ESS2: variants seen among roughly 807,000 people sequenced by gnomAD.
ESS2 encodes the protein splicing factor ESS-2 homolog.
In ESS2, 31 loss-of-function variants were observed where a neutral mutation model predicts 52.0. The observed-to-expected ratio is 0.60, with a 90% CI of 0.45 to 0.81. The LOEUF (loss-of-function observed/expected upper bound fraction) is 0.81, where lower values mean the gene tolerates loss of function less well. ESS2 is among the 30% of genes least tolerant of loss of function. The pLI is 0.00. For synonymous variants in ESS2, 285 were observed against 259.2 expected (o/e 1.10, Z -0.95); for missense variants, 602 against 637.2 (o/e 0.94, Z 0.59).
In ESS2 at chr22:19,131,832, G is replaced by A. The variant is rs1300424021; in HGVS notation, c.*2364C>T. 4.3e-6 allele frequency: 7 copies of A among 1,614,050 alleles called. No homozygotes were observed. Among genetic ancestry groups the A allele is most frequent in the South Asian group, 1.1e-5 (1 of 91,062 alleles). ...CCTCAAGTGCGAGAACCTTCTCCTCGACAAGGACTTCAACATCAAGCTGTC... is the reference window on the plus strand; with the variant it reads ...CCTCAAGTGCGAGAACCTTCTCCTCAACAAGGACTTCAACATCAAGCTGTC... On this transcript the variant is annotated 3_prime_UTR_variant, in exon 10 of 10. Coordinates refer to ENST00000252137, the MANE Select transcript of ESS2 (RefSeq NM_022719.3). The surrounding 1 kb of genome is among the most constrained non-coding windows in gnomAD (Gnocchi z 5.7).
Position 19,131,098 on chromosome 22 carries a change from C to G in ESS2, c.*3098G>C, listed in dbSNP as rs2083501426. 1 of 355,044 alleles carries G rather than the reference C, an allele frequency of 2.8e-6. No homozygotes were observed. Among genetic ancestry groups the G allele is most frequent in the East Asian group, 5.3e-5 (1 of 18,788 alleles). 22.0% of individuals were successfully genotyped at this position (355,044 alleles called of 1,614,324 possible). On this transcript the variant is annotated 3_prime_UTR_variant, in exon 10 of 10. Coordinates refer to ENST00000252137, the MANE Select transcript of ESS2 (RefSeq NM_022719.3). This position sits in a 1 kb window ranked among gnomAD's most constrained non-coding sequence, Gnocchi z 5.7. ...CAGCAGCAGCAGGGCCACCAGAGTC[C>G]TGTCCTGGGGACAGGCTTCCTTCCA... is the stretch of plus-strand genomic sequence containing the variant.
At position 19,132,368 on chromosome 22, in the gene ESS2, G is replaced by A. The variant is rs748715816; in HGVS notation, c.*1828C>T. ...TTGGAGCCAAAACCCAGCACCGGCTGCTGGTGGTGCCCGAGAACGAGAACA... is the reference window on the plus strand; with the variant it reads ...TTGGAGCCAAAACCCAGCACCGGCTACTGGTGGTGCCCGAGAACGAGAACA... On this transcript the variant is annotated 3_prime_UTR_variant, in exon 10 of 10. Coordinates refer to ENST00000252137, the MANE Select transcript of ESS2 (RefSeq NM_022719.3). This position sits in a 1 kb window ranked among gnomAD's most constrained non-coding sequence, Gnocchi z 4.2. The A allele has an allele frequency of 1.2e-6, 2 of 1,613,202 alleles. No individual in the cohort carries two copies. The highest frequency in any genetic ancestry group is 1.7e-6 in the Non-Finnish European group (2 of 1,180,022).
At chr22:19,140,827 G>A (rs1335947457) in intron 3 of ESS2, among the ~76,000 whole-genome samples, 1 of 152,224 alleles carries the variant, frequency 6.6e-6, no homozygotes, top group Non-Finnish European at 1.5e-5. Flanking sequence ...ATTCATCTCA[G>A]AGAGATAAGA....
rs751020265 is a variant in ESS2 at position 19,144,620 on chromosome 22, T to G, written c.21A>C (p.Ser7=). METPGA[S]ASSLLLPAAS... is the part of the protein sequence containing the mutation. ...CGGCGGGAAGCAACAAGGACGACGC[T>G]GATGCGCCCGGCGTCTCCATCGCTA... The change falls in exon 1 of 10, where the codon TCA becomes TCC. Residue 7 remains serine (S), a synonymous_variant. Transcript: ENST00000252137. 2 of 1,546,540 alleles carry G rather than the reference T, an allele frequency of 1.3e-6. No homozygotes were observed. Among genetic ancestry groups the G allele is most frequent in the Non-Finnish European group, 1.7e-6 (2 of 1,143,696 alleles).
rs141616852 is a variant in ESS2, at chr22:19,132,265, G to C, written c.*1931C>G. 6.2e-4 allele frequency: 1,002 copies of C among 1,612,784 alleles called. 1 individual carries two copies. The highest frequency in any genetic ancestry group is 1.1e-3 in the Admixed American group (67 of 59,996). On this transcript the variant is annotated 3_prime_UTR_variant, in exon 10 of 10. Coordinates refer to ENST00000252137, the MANE Select transcript of ESS2 (RefSeq NM_022719.3). This position sits in a 1 kb window ranked among gnomAD's most constrained non-coding sequence, Gnocchi z 4.2. ...TCTTCTGCCTCCTTCAAGAGGGAGG[G>C]GGAGGGCAAGTACCGCGCTGAGTGC...
intron 7 of ESS2, chr22:19,137,655 G>C: frequency 3.5e-6 from 3 of 861,236 alleles, no homozygotes; most frequent in Non-Finnish European, 4.2e-6. Flanking sequence ...CTACAGCCAT[G>C]TGCTTAGCCT....
At chr22:19,137,028 C>T (rs1464929384) in intron 8 of ESS2, among the ~76,000 whole-genome samples, 3 of 152,122 alleles carry the variant, frequency 2.0e-5, no homozygotes, top group African/African-American at 7.2e-5. Flanking sequence ...GCCTGCAGAG[C>T]TCCTCACGTG....
chr22:19,131,511 G>A lies in ESS2; in HGVS notation c.*2685C>T, dbSNP rs372184606. The A allele has an allele frequency of 9.3e-6, 15 of 1,614,170 alleles. No individual in the cohort carries two copies. The highest frequency in any genetic ancestry group is 1.3e-5 in the Non-Finnish European group (15 of 1,180,026). On this transcript the variant is annotated 3_prime_UTR_variant, in exon 10 of 10. Coordinates refer to ENST00000252137, the MANE Select transcript of ESS2 (RefSeq NM_022719.3). The surrounding 1 kb of genome is among the most constrained non-coding windows in gnomAD (Gnocchi z 5.7). ...CTACTCTGAGCGCCTCAAGTTCAATGTGGCTGTCAAGATCATCGACCGCAA... is the reference window on the plus strand; with the variant it reads ...CTACTCTGAGCGCCTCAAGTTCAATATGGCTGTCAAGATCATCGACCGCAA...
chr22:19,131,891 C>G lies in ESS2; in HGVS notation c.*2305G>C. 3 of 1,614,112 alleles carry G rather than the reference C, an allele frequency of 1.9e-6. No individual in the cohort carries two copies. Among genetic ancestry groups the G allele is most frequent in the Non-Finnish European group, 2.5e-6 (3 of 1,179,992 alleles). ...GCTTCTCCAAGCGCTGCCTGCGGGA[C>G]AGCAATGGGCGCATCATCCTCAGCA... On this transcript the variant is annotated 3_prime_UTR_variant, in exon 10 of 10. Transcript: ENST00000252137. The surrounding 1 kb of genome is among the most constrained non-coding windows in gnomAD (Gnocchi z 5.7).
chr22:19,132,168 G>C lies in ESS2; in HGVS notation c.*2028C>G. On this transcript the variant is annotated 3_prime_UTR_variant, in exon 10 of 10. Transcript: ENST00000252137. This position sits in a 1 kb window ranked among gnomAD's most constrained non-coding sequence, Gnocchi z 4.2. Reference sequence around the variant, plus strand: ...CATCTACCGCATGCTGCAGCCCGACGTCAGCCAGCGGCTCCACATCGATGA... The same window carrying C: ...CATCTACCGCATGCTGCAGCCCGACCTCAGCCAGCGGCTCCACATCGATGA... 1 of 1,613,218 alleles carries C rather than the reference G, an allele frequency of 6.2e-7. No homozygotes were observed. The highest frequency in any genetic ancestry group is 8.5e-7 in the Non-Finnish European group (1 of 1,179,374).
chr22:19,132,524 A>G lies in ESS2; in HGVS notation c.*1672T>C, dbSNP rs1415564617. 6.5e-7 allele frequency: 1 copy of G among 1,543,462 alleles called. No individual in the cohort carries two copies. Among genetic ancestry groups the G allele is most frequent in the East Asian group, 2.3e-5 (1 of 44,158 alleles). On this transcript the variant is annotated 3_prime_UTR_variant, in exon 10 of 10. Coordinates refer to ENST00000252137, the MANE Select transcript of ESS2 (RefSeq NM_022719.3). This position sits in a 1 kb window ranked among gnomAD's most constrained non-coding sequence, Gnocchi z 4.2. ...GTGGTGGGGGTCGGGGTTGGGGGGC[A>G]TGGTGCAGTCGGCCTTCACGTAAAC...
chr22:19,141,898 G>T (rs1048480540), intron 3 of ESS2, among the ~76,000 whole-genome samples: 3 of 152,158 alleles, frequency 2.0e-5, no homozygotes, highest in Admixed American at 1.3e-4. Flanking sequence ...CTAAGGCAGG[G>T]AGAATTGCTT....
At position 19,134,463 on chromosome 22, in the gene ESS2, T is replaced by C; in HGVS notation, c.1164A>G (p.Lys388=). Residue 388 remains lysine (K), a synonymous_variant, in exon 10 of 10, where the codon AAA becomes AAG. Coordinates refer to ENST00000252137, the MANE Select transcript of ESS2 (RefSeq NM_022719.3). ...VTENLASLTP[K]GLSPAMSPAL... is the part of the protein sequence containing the mutation. ...CTGGCGACATGGCTGGGCTCAGGCC[T>C]TTGGGGGTGAGGCTGGGGTGGAGGA... is the stretch of plus-strand genomic sequence containing the variant. 2 of 1,562,656 alleles carry C rather than the reference T, an allele frequency of 1.3e-6. No homozygotes were observed. Among genetic ancestry groups the C allele is most frequent in the Non-Finnish European group, 8.7e-7 (1 of 1,150,784 alleles).
In ESS2 at chr22:19,132,037, C is replaced by T. The variant is rs1428850871; in HGVS notation, c.*2159G>A. On this transcript the variant is annotated 3_prime_UTR_variant, in exon 10 of 10. Coordinates refer to ENST00000252137, the MANE Select transcript of ESS2 (RefSeq NM_022719.3). This position sits in a 1 kb window ranked among gnomAD's most constrained non-coding sequence, Gnocchi z 4.2. Reference sequence around the variant, plus strand: ...ATCCTGTACATCATGGTCTGCGGCTCCATGCCCTATGACGACTCCGACATC... The same window carrying T: ...ATCCTGTACATCATGGTCTGCGGCTTCATGCCCTATGACGACTCCGACATC... 1.2e-6 allele frequency: 2 copies of T among 1,614,088 alleles called. No homozygotes were observed. The highest frequency in any genetic ancestry group is 1.7e-5 in the Admixed American group (1 of 60,024).
In ESS2 at chr22:19,133,923, G is replaced by C. The variant is rs1443382805; in HGVS notation, c.*273C>G. 2.8e-6 allele frequency: 1 copy of C among 354,994 alleles called. No homozygotes were observed. The highest frequency in any genetic ancestry group is 5.0e-6 in the Non-Finnish European group (1 of 199,906). 22.0% of individuals were successfully genotyped at this position (354,994 alleles called of 1,614,324 possible). A position where few individuals can be genotyped will look rare whatever the true frequency, so the allele number is the denominator to read the frequency against. The stretch of plus-strand genomic sequence containing the variant: ...GCTCGTGTGGGGAGCAAGATGGAGA[G>C]GCAACCCCCCAGACTGTACCTAGGT... On this transcript the variant is annotated 3_prime_UTR_variant, in exon 10 of 10. Coordinates refer to ENST00000252137, the MANE Select transcript of ESS2 (RefSeq NM_022719.3).
In ESS2 at chr22:19,132,235, CCA is replaced by C. The variant is rs774634166; in HGVS notation, c.*1959_*1960del. On this transcript the variant is annotated 3_prime_UTR_variant, in exon 10 of 10. Coordinates refer to ENST00000252137, the MANE Select transcript of ESS2 (RefSeq NM_022719.3). This position sits in a 1 kb window ranked among gnomAD's most constrained non-coding sequence, Gnocchi z 4.2. ...TGGCTGCAGCCCCCCAAGCCCAAAG[CCA>C]CGTCTTCTGCCTCCTTCAAGAGGGA... is the stretch of plus-strand genomic sequence containing the variant. 1.4e-5 allele frequency: 22 copies of C among 1,612,120 alleles called. No individual in the cohort carries two copies. In the South Asian group the frequency reaches 2.4e-4, roughly 18 times the overall value.
At chr22:19,137,582 G>A in intron 7 of ESS2, 150 bp from the exon 8 acceptor site, 1 of 940,458 alleles carries the variant, frequency 1.1e-6, no homozygotes, top group Non-Finnish European at 1.5e-6. Flanking sequence ...TGGAACCCTG[G>A]CACCTCCATC....
chr22:19,131,982 A>C lies in ESS2; in HGVS notation c.*2214T>G. The C allele has an allele frequency of 1.9e-6, 3 of 1,614,164 alleles. No homozygotes were observed. The highest frequency in any genetic ancestry group is 2.5e-6 in the Non-Finnish European group (3 of 1,180,032). On this transcript the variant is annotated 3_prime_UTR_variant, in exon 10 of 10. Transcript: ENST00000252137. The surrounding 1 kb of genome is among the most constrained non-coding windows in gnomAD (Gnocchi z 5.7). ...GCTGCAGAGCATCCCCTACCAGCCC[A>C]AGGTGTATGACATCTGGAGCCTGGG...
chr22:19,136,135 C>T (rs1425667200), intron 8 of ESS2, among the ~76,000 whole-genome samples: 2 of 151,162 alleles, frequency 1.3e-5, no homozygotes, highest in Admixed American at 6.6e-5. Context: ...GTCAGGAGTT[C>T]GAAACCAGTC....
Sources: allele counts gnomAD v4.1 joint callset (sites outside exome capture counted in the v4.1 genomes callset), GRCh38; gene constraint gnomAD v4.1.1; non-coding constraint Gnocchi (gnomAD v3.1); transcripts MANE v1.5; gene names NCBI Gene and HGNC (gene_info 2026-07-23, HGNC 2026-07-21).